Variants in PAM observed in about 807,000 individuals in gnomAD.
PAM encodes the protein peptidyl-glycine alpha-amidating monooxygenase.
Under a neutral mutation model 122.1 loss-of-function variants are expected in PAM, and 72 were observed. That is an observed-to-expected ratio of 0.59 (90% CI 0.49 to 0.72). The LOEUF is 0.72. Ranked by LOEUF, PAM falls within the 30% of genes least tolerant of loss-of-function variation. PAM has a pLI of 0.00. For synonymous variants in PAM, 389 were observed against 404.4 expected (o/e 0.96, Z 0.46); for missense variants, 1,106 against 1,183.7 (o/e 0.93, Z 0.96).
intron 5 of PAM, among the ~76,000 whole-genome samples, chr5:102,917,589 T>G (rs1007111516): frequency 1.1e-4 from 16 of 152,200 alleles, no homozygotes; most frequent in Admixed American, 9.8e-4. Context: ...CTCTTTTCTG[T>G]TTGTTAGCTA....
intron 3 of PAM, among the ~76,000 whole-genome samples, chr5:102,900,447 A>C (rs1797475885): frequency 6.6e-6 from 1 of 151,606 alleles, no homozygotes; most frequent in African/African-American, 2.4e-5. Flanking sequence ...TATTTGTTTG[A>C]TGTGTACTTG....
intron 14 of PAM, among the ~76,000 whole-genome samples, chr5:102,965,144 C>T (rs1284555103): frequency 6.8e-6 from 1 of 146,522 alleles, no homozygotes; most frequent in Non-Finnish European, 1.5e-5. Context: ...GAAGTTCACA[C>T]TGATGTCTTC....
intron 24 of PAM, among the ~76,000 whole-genome samples, chr5:103,027,469 T>C (rs1014047661): frequency 6.6e-6 from 1 of 152,032 alleles, no homozygotes; most frequent in Admixed American, 6.6e-5. Context: ...GCCTGGGAAA[T>C]AGTACAGGGA....
chr5:102,838,456 G>A (rs1378869149), intron 1 of PAM: 1 of 151,998 alleles, frequency 6.6e-6, no homozygotes, highest in African/African-American at 2.4e-5. Flanking sequence ...TGGGGAGAAG[G>A]GAAGGAAAGA....
chr5:102,936,752 T>C (rs1163793926), intron 7 of PAM, among the ~76,000 whole-genome samples: 1 of 152,146 alleles, frequency 6.6e-6, no homozygotes, highest in Non-Finnish European at 1.5e-5. Context: ...GTAGTGTGTA[T>C]TTTTTTCACA....
chr5:102,881,622 A>G (rs969701774), intron 3 of PAM, among the ~76,000 whole-genome samples: 1 of 152,028 alleles, frequency 6.6e-6, no homozygotes, highest in East Asian at 1.9e-4. Flanking sequence ...TTGCCCTAGA[A>G]ATATTGCCAT....
At chr5:102,770,931 A>G (rs891627758) in intron 1 of PAM, among the ~76,000 whole-genome samples, 2 of 152,090 alleles carry the variant, frequency 1.3e-5, no homozygotes, top group Non-Finnish European at 2.9e-5. Context: ...TCCATGAAAA[A>G]TAGCTTTGAT....
At chr5:102,864,572 G>C (rs556441740) in intron 1 of PAM, 20 of 152,232 alleles carry the variant, frequency 1.3e-4, no homozygotes, top group African/African-American at 4.1e-4. Flanking sequence ...TTTAAGGTTA[G>C]TGCTTTTTTA....
At chr5:102,864,190 T>A (rs984045953) in intron 1 of PAM, among the ~76,000 whole-genome samples, 111 of 146,410 alleles carry the variant, frequency 7.6e-4, no homozygotes, top group African/African-American at 1.2e-3. Flanking sequence ...ATATATTTTT[T>A]TTTTTTTTAA....
At chr5:102,988,593 GAAAGGA>G (rs1361601140) in intron 15 of PAM, among the ~76,000 whole-genome samples, 7 of 146,804 alleles carry the variant, frequency 4.8e-5, no homozygotes, top group Non-Finnish European at 7.4e-5. Flanking sequence ...AAAAAAGAAG[GAAAGGA>G]AAGGGAAAGG....
At chr5:102,790,755 T>C (rs1761842054) in intron 1 of PAM, among the ~76,000 whole-genome samples, 1 of 152,078 alleles carries the variant, frequency 6.6e-6, no homozygotes, top group Non-Finnish European at 1.5e-5. Context: ...GTCACATAAT[T>C]TTATTTTTCT....
In PAM at chr5:102,869,245, C is replaced by T. The variant is rs567042115; in HGVS notation, c.210+1852C>T. 2.6e-5 allele frequency among the ~76,000 whole-genome samples: 4 copies of T among 152,298 alleles called. No homozygotes were observed. In the South Asian group the frequency reaches 8.3e-4, roughly 32 times the overall value. On this transcript the variant is annotated intron_variant, in intron 3 of 25. Transcript: ENST00000438793. The stretch of plus-strand genomic sequence containing the variant: ...AAGAAAGTGTGTGATTTAGACCATT[C>T]AAATCTTAGGACTTTTGCTGAGAAT...
chr5:102,968,356 C>T (rs1764745870), intron 14 of PAM, among the ~76,000 whole-genome samples: 1 of 152,136 alleles, frequency 6.6e-6, no homozygotes, highest in African/African-American at 2.4e-5. Flanking sequence ...CTTCAAATCC[C>T]AGTTCAATTT....
intron 1 of PAM, among the ~76,000 whole-genome samples, chr5:102,854,816 A>G (rs967859796): frequency 1.3e-5 from 2 of 152,246 alleles, no homozygotes. Flanking sequence ...TCTAACAAAC[A>G]TAAGAATGCT....
chr5:102,931,696 G>T (rs535817071), intron 7 of PAM, among the ~76,000 whole-genome samples: 1 of 152,202 alleles, frequency 6.6e-6, no homozygotes, highest in South Asian at 2.1e-4. Flanking sequence ...CAAATGTATT[G>T]CCCTGATTGT....
chr5:102,854,534 C>T (rs1782127773), intron 1 of PAM, among the ~76,000 whole-genome samples: 5 of 152,146 alleles, frequency 3.3e-5, no homozygotes, highest in Admixed American at 3.3e-4. Flanking sequence ...GCTTCACTTC[C>T]TTGATACTCC....
chr5:102,759,125 T>A (rs976125128), intron 1 of PAM, among the ~76,000 whole-genome samples: 21 of 152,176 alleles, frequency 1.4e-4, no homozygotes, highest in South Asian at 4.1e-4. Flanking sequence ...AGAAAATTTT[T>A]AAAAAATTAT....
intron 16 of PAM, among the ~76,000 whole-genome samples, chr5:103,002,106 G>C: frequency 6.6e-6 from 1 of 151,772 alleles, no homozygotes; most frequent in East Asian, 1.9e-4. Context: ...GTTTCTTGTT[G>C]TTTCATACAT....
chr5:102,928,067 T>C lies in PAM; in HGVS notation c.526+1399T>C, dbSNP rs569358106. Reference sequence around the variant, plus strand: ...TGTGAGACTGCTGACTTCCAAAGTATTGACAAAGCTTTAATTTCCTCAAAA... The same window carrying C: ...TGTGAGACTGCTGACTTCCAAAGTACTGACAAAGCTTTAATTTCCTCAAAA... On this transcript the variant is annotated intron_variant, in intron 7 of 25. Transcript: ENST00000438793. Among the ~76,000 whole-genome samples, 3 of 152,296 alleles carry C rather than the reference T, an allele frequency of 2.0e-5. No individual in the cohort carries two copies. In the South Asian group the frequency reaches 6.2e-4, roughly 32 times the overall value.
Sources: gnomAD v4.1 joint callset for allele counts (sites outside exome capture counted in the v4.1 genomes callset) on GRCh38, gnomAD v4.1.1 for gene constraint, MANE v1.5 for transcripts, NCBI Gene and HGNC (gene_info 2026-07-23, HGNC 2026-07-21) for gene names.